NLGN1: variants seen among roughly 807,000 people sequenced by gnomAD.
NLGN1 encodes the protein neuroligin-1.
A neutral mutation model predicts 65.5 loss-of-function variants in NLGN1; 12 were observed. That is an observed-to-expected ratio of 0.18 (90% confidence interval 0.12 to 0.30). The LOEUF (loss-of-function observed/expected upper bound fraction) is 0.30. NLGN1 is among the 10% of genes least tolerant of loss of function. The pLI is 1.00. For missense variants in NLGN1, 750 were observed against 1,007.1 expected (o/e 0.74, Z 3.46); for synonymous variants, 350 against 359.5 (o/e 0.97, Z 0.30).
chr3:174,285,576 G>C (rs1361803127), exon 7 of NLGN1: 1 of 151,476 alleles, frequency 6.6e-6, no homozygotes, highest in Admixed American at 6.6e-5. Flanking sequence ...ATTTCCATCA[G>C]AAGTCTCTAA....
At chr3:173,848,602 G>A (rs951088897) in intron 4 of NLGN1, among the ~76,000 whole-genome samples, 4 of 152,108 alleles carry the variant, frequency 2.6e-5, no homozygotes, top group African/African-American at 9.7e-5. Context: ...TAACAACAAT[G>A]TAATGCCATT....
intron 4 of NLGN1, among the ~76,000 whole-genome samples, chr3:174,193,342 A>T (rs370244344): frequency 6.6e-6 from 1 of 152,222 alleles, no homozygotes; most frequent in South Asian, 2.1e-4. Context: ...CTCTACCTCA[A>T]AAGCTTTTCA....
intron 4 of NLGN1, among the ~76,000 whole-genome samples, chr3:173,940,155 C>G (rs1440581320): frequency 8.0e-6 from 1 of 124,750 alleles, no homozygotes; most frequent in Non-Finnish European, 1.6e-5. Context: ...GTGGCACGAT[C>G]TCTGCTCACT....
intron 4 of NLGN1, among the ~76,000 whole-genome samples, chr3:173,936,155 A>G (rs754789403): frequency 1.3e-5 from 2 of 151,792 alleles, no homozygotes; most frequent in African/African-American, 4.8e-5. Context: ...CAAAATTGAC[A>G]TAAAATAAGT....
chr3:174,121,077 ATTCAAGT>A (rs1239899303), intron 4 of NLGN1, among the ~76,000 whole-genome samples: 2 of 152,168 alleles, frequency 1.3e-5, no homozygotes, highest in African/African-American at 4.8e-5. Context: ...AGCAAGGGAA[ATTCAAGT>A]TCAACTTGAA....
intron 4 of NLGN1, among the ~76,000 whole-genome samples, chr3:173,910,141 G>A (rs554366172): frequency 5.7e-4 from 87 of 152,216 alleles, no homozygotes; most frequent in Non-Finnish European, 9.0e-4. Context: ...CTTCCTGATC[G>A]TTGGTAGAAG....
Position 173,917,282 on chromosome 3 carries a change from T to C in NLGN1, c.646+109450T>C, listed in dbSNP as rs191825157. 6.6e-4 allele frequency among the ~76,000 whole-genome samples: 101 copies of C among 152,326 alleles called. 1 individual carries two copies. Among genetic ancestry groups the C allele is most frequent in the Admixed American group, 6.5e-3 (100 of 15,300 alleles). On this transcript the variant is annotated intron_variant, in intron 4 of 6. Coordinates refer to ENST00000457714, the Ensembl canonical transcript of NLGN1. ...TGGATTACTTTATACTTTCTCTGGA[T>C]TGATACTTTATCACGGGTATTGGAA...
chr3:173,663,651 G>A (rs1417068090), intron 3 of NLGN1, among the ~76,000 whole-genome samples: 1 of 151,944 alleles, frequency 6.6e-6, no homozygotes, highest in Admixed American at 6.6e-5. Context: ...AAAAGCTGCA[G>A]TTGAGAGATG....
chr3:173,789,946 G>C (rs889435082), intron 3 of NLGN1: 2 of 484,846 alleles, frequency 4.1e-6, no homozygotes, highest in Admixed American at 2.2e-5. Context: ...TCCTTCTGCA[G>C]AGCACAGTCC....
At chr3:173,746,918 G>T (rs1402321957) in intron 3 of NLGN1, among the ~76,000 whole-genome samples, 1 of 151,766 alleles carries the variant, frequency 6.6e-6, no homozygotes, top group African/African-American at 2.4e-5. Context: ...TGGGCATGGT[G>T]TCTTGCACCT....
At chr3:173,538,120 A>G (rs567617634) in intron 2 of NLGN1, among the ~76,000 whole-genome samples, 2 of 152,220 alleles carry the variant, frequency 1.3e-5, no homozygotes, top group African/African-American at 4.8e-5. Flanking sequence ...AGTGACTGGT[A>G]CTACTTCTGT....
intron 4 of NLGN1, among the ~76,000 whole-genome samples, chr3:173,870,945 G>A (rs1211835104): frequency 3.9e-5 from 6 of 152,286 alleles, no homozygotes; most frequent in African/African-American, 1.4e-4. Context: ...GTTCTAATGA[G>A]GCAGCTCTTG....
chr3:173,670,103 T>C (rs1198577209), intron 3 of NLGN1, among the ~76,000 whole-genome samples: 1 of 152,220 alleles, frequency 6.6e-6, no homozygotes, highest in African/African-American at 2.4e-5. Context: ...AGAAAGCAGA[T>C]AAACTGAAAG....
intron 2 of NLGN1, among the ~76,000 whole-genome samples, chr3:173,487,925 A>G (rs1045764273): frequency 1.3e-5 from 2 of 151,844 alleles, no homozygotes; most frequent in Admixed American, 6.6e-5. Context: ...TTTAATATCT[A>G]TTTATTTTGG....
chr3:173,805,705 A>G (rs1716487869), intron 3 of NLGN1, among the ~76,000 whole-genome samples: 1 of 152,184 alleles, frequency 6.6e-6, no homozygotes, highest in East Asian at 1.9e-4. Flanking sequence ...GCTACCTCCA[A>G]GCATACAATT....
chr3:173,994,329 A>T (rs920732109), intron 4 of NLGN1, among the ~76,000 whole-genome samples: 2 of 151,934 alleles, frequency 1.3e-5, no homozygotes, highest in African/African-American at 4.8e-5. Flanking sequence ...AAACTCGCTC[A>T]GGCTATCTGC....
intron 4 of NLGN1, among the ~76,000 whole-genome samples, chr3:174,020,318 G>C (rs1417520719): frequency 6.6e-6 from 1 of 152,044 alleles, no homozygotes; most frequent in Admixed American, 6.6e-5. Flanking sequence ...TGAGACTTGA[G>C]CAATAACTGC....
chr3:174,249,637 A>G (rs61628260), intron 4 of NLGN1, among the ~76,000 whole-genome samples: 18,108 of 152,220 alleles, frequency 0.12, 1,839 homozygotes, highest in African/African-American at 0.27. Context: ...AAGTTGAATG[A>G]GTACTTTATC....
In NLGN1 at chr3:173,507,859, T is replaced by C. The variant is rs148612548; in HGVS notation, c.-321+72781T>C. Among the ~76,000 whole-genome samples the C allele has an allele frequency of 7.4e-4, 113 of 152,330 alleles. No individual in the cohort carries two copies. In the Middle Eastern group the frequency reaches 0.01, roughly 14 times the overall value. On this transcript the variant is annotated intron_variant, in intron 2 of 6. Coordinates refer to ENST00000457714, the Ensembl canonical transcript of NLGN1. ...GGCTTTGAAGCAACATATCTGGGTT[T>C]AACTTCTGGCTCCTTTGTTAAACAT...
Sources: allele counts gnomAD v4.1 joint callset (sites outside exome capture counted in the v4.1 genomes callset), GRCh38; gene constraint gnomAD v4.1.1; transcripts MANE v1.5; gene names NCBI Gene and HGNC (gene_info 2026-07-23, HGNC 2026-07-21).